Variants in TRIM67 observed in about 807,000 individuals in gnomAD.
TRIM67 encodes the protein tripartite motif-containing protein 67.
Under a neutral mutation model 71.0 loss-of-function variants are expected in TRIM67, and 39 were observed. The observed-to-expected ratio is 0.55, with a 90% confidence interval of 0.43 to 0.72. TRIM67 has a LOEUF of 0.72. TRIM67 is among the 30% of genes least tolerant of loss of function. The pLI, the probability that TRIM67 is intolerant of heterozygous loss-of-function variation, is 0.00. For missense variants in TRIM67, 973 were observed against 1,079.2 expected, an observed-to-expected ratio of 0.90 and a Z score of 1.38; for synonymous variants, 481 against 473.9, an observed-to-expected ratio of 1.01 and a Z score of -0.19.
chr1:231,212,467 A>G (rs1683901831), intron 8 of TRIM67, among the ~76,000 whole-genome samples: 1 of 152,182 alleles, frequency 6.6e-6, no homozygotes, highest in African/African-American at 2.4e-5. Flanking sequence ...TGTAAATTAA[A>G]AGGTCAATTG....
intron 1 of TRIM67, among the ~76,000 whole-genome samples, chr1:231,169,579 A>G (rs970407014): frequency 1.3e-5 from 2 of 151,704 alleles, no homozygotes; most frequent in East Asian, 3.9e-4. Flanking sequence ...GGGTTTCTCC[A>G]TGTTGGTCAG....
chr1:231,217,779 G>A lies in TRIM67; in HGVS notation c.*2339G>A. The stretch of plus-strand genomic sequence containing the variant: ...CATCATTGGAGCACAAGTTGCCTGG[G>A]GCTACCCTGAACCTAACCCCTTTGA... On this transcript the variant is annotated 3_prime_UTR_variant, in exon 10 of 10. Transcript: ENST00000366653. The A allele has an allele frequency of 7.8e-7, 1 of 1,285,724 alleles. No homozygotes were observed. Among genetic ancestry groups the A allele is most frequent in the African/African-American group, 1.5e-5 (1 of 65,912 alleles). The allele number at this position is 1,285,724 out of a possible 1,614,324, so 79.6% of individuals were successfully genotyped here.
chr1:231,187,564 C>G, intron 1 of TRIM67: 6 of 1,532,946 alleles, frequency 3.9e-6, no homozygotes, highest in Non-Finnish European at 5.2e-6. Flanking sequence ...CCCCTGTGGT[C>G]CATTTCACAA....
rs190364164 is a variant in TRIM67, at chr1:231,166,900, T to C, written c.1044+2887T>C. Among the ~76,000 whole-genome samples, 4 of 152,348 alleles carry C rather than the reference T, an allele frequency of 2.6e-5. No homozygotes were observed. The East Asian group carries it at 5.8e-4, about 22-fold the overall frequency. On this transcript the variant is annotated intron_variant, in intron 1 of 9. Transcript: ENST00000366653. ...AAGATGGGATAGGGAAGGGTAACTG[T>C]ACAGGAGAGCTTTTGGTTGTTTGCT...
chr1:231,218,972 C>A lies in TRIM67; in HGVS notation c.*3532C>A, dbSNP rs760482125. ...TCTTCCAGGGATATTTGCATTTAAG[C>A]CTTAATTCTCATTGCAAGCGAAAGG... On this transcript the variant is annotated 3_prime_UTR_variant, in exon 10 of 10. Coordinates refer to ENST00000366653, the MANE Select transcript of TRIM67 (RefSeq NM_001004342.5). 1.9e-5 allele frequency: 19 copies of A among 985,364 alleles called. No individual in the cohort carries two copies. Among genetic ancestry groups the A allele is most frequent in the African/African-American group, 3.5e-5 (2 of 57,236 alleles). 61.0% of individuals were successfully genotyped at this position (985,364 alleles called of 1,614,324 possible). A position where few individuals can be genotyped will look rare whatever the true frequency, so the allele number is the denominator to read the frequency against.
chr1:231,204,514 T>TG (rs1312492316), intron 6 of TRIM67, among the ~76,000 whole-genome samples: 3 of 152,168 alleles, frequency 2.0e-5, no homozygotes, highest in African/African-American at 7.2e-5. Context: ...TAGACTATCA[T>TG]GGGGGCAATA....
At chr1:231,170,977 T>A (rs143498104) in intron 1 of TRIM67, among the ~76,000 whole-genome samples, 1 of 152,242 alleles carries the variant, frequency 6.6e-6, no homozygotes, top group Admixed American at 6.5e-5. Context: ...GAATTTTTAA[T>A]CTCAAACAGT....
chr1:231,185,197 A>G, intron 1 of TRIM67: 4 of 1,532,296 alleles, frequency 2.6e-6, no homozygotes, highest in Non-Finnish European at 3.5e-6. Context: ...TGCACCTTCC[A>G]CCCTTCTCAG....
chr1:231,171,967 G>A (rs928838418), intron 1 of TRIM67, among the ~76,000 whole-genome samples: 1 of 152,114 alleles, frequency 6.6e-6, no homozygotes, highest in South Asian at 2.1e-4. Context: ...ATGGTGACAC[G>A]TGCCTGTAGT....
At chr1:231,188,804 C>G (rs12074287) in intron 1 of TRIM67, among the ~76,000 whole-genome samples, 37,050 of 151,970 alleles carry the variant, frequency 0.24, 5,863 homozygotes, top group African/African-American at 0.45. Context: ...GGTTGTTATT[C>G]TTATTGCTAT....
intron 4 of TRIM67, among the ~76,000 whole-genome samples, chr1:231,200,675 T>A (rs1683496665): frequency 6.6e-6 from 1 of 152,178 alleles, no homozygotes; most frequent in African/African-American, 2.4e-5. Context: ...GGGCCATCTC[T>A]CCTGCATTCA....
chr1:231,212,617 G>A (rs957386712), intron 8 of TRIM67, among the ~76,000 whole-genome samples: 1 of 152,276 alleles, frequency 6.6e-6, no homozygotes, highest in African/African-American at 2.4e-5. Context: ...CAGCTATTCG[G>A]GAGGCTGAGG....
At chr1:231,190,310 T>C (rs1265861166) in intron 1 of TRIM67, among the ~76,000 whole-genome samples, 1 of 152,108 alleles carries the variant, frequency 6.6e-6, no homozygotes, top group East Asian at 1.9e-4. Context: ...GAACAGAACA[T>C]TGGATCAGCA....
intron 3 of TRIM67, among the ~76,000 whole-genome samples, chr1:231,199,934 G>A (rs1683473855): frequency 6.6e-6 from 1 of 152,204 alleles, no homozygotes; most frequent in Admixed American, 6.5e-5. Context: ...GTTGGGTGTT[G>A]TAGCCCTGCT....
chr1:231,190,757 C>A (rs1200540293), intron 1 of TRIM67, among the ~76,000 whole-genome samples: 1 of 152,140 alleles, frequency 6.6e-6, no homozygotes, highest in Non-Finnish European at 1.5e-5. Context: ...GGACTGGGAG[C>A]GGGGAAGCCG....
chr1:231,168,727 T>G (rs1232682833), intron 1 of TRIM67, among the ~76,000 whole-genome samples: 1 of 152,248 alleles, frequency 6.6e-6, no homozygotes, highest in Non-Finnish European at 1.5e-5. Flanking sequence ...GTTAGGGATC[T>G]TCCCTCAACA....
At chr1:231,208,843 C>G in intron 7 of TRIM67, 104 bp from the exon 8 acceptor site, 1 of 1,207,006 alleles carries the variant, frequency 8.3e-7, no homozygotes, top group Admixed American at 2.3e-5. Context: ...TTCTGGGTGC[C>G]GACTTTCTAA....
Position 231,197,402 on chromosome 1 carries a change from C to A in TRIM67, c.1076C>A (p.Ser359Ter). The change falls in exon 2 of 10, where the codon TCA becomes TAA. Residue 359 changes from serine to a stop codon, truncating the protein, a stop_gained. Transcript: ENST00000366653. LOFTEE classifies it high-confidence loss of function. ...AQLSQALNGV[S>*]DKAKEAKEFL... ...CTATCTCAGGCCTTAAATGGAGTTTCAGATAAGGCAAAGGAAGCAAAGGAG... is the reference window on the plus strand; with the variant it reads ...CTATCTCAGGCCTTAAATGGAGTTTAAGATAAGGCAAAGGAAGCAAAGGAG... 6.2e-7 allele frequency: 1 copy of A among 1,613,966 alleles called. No homozygotes were observed. The highest frequency in any genetic ancestry group is 1.1e-5 in the South Asian group (1 of 91,086).
rs747032250 is a variant in TRIM67 at position 231,214,007 on chromosome 1, C to T, written c.2286+30C>T. 10 of 1,577,110 alleles carry T rather than the reference C, an allele frequency of 6.3e-6. No homozygotes were observed. In the South Asian group the frequency reaches 1.1e-4, roughly 17 times the overall value. On this transcript the variant is annotated intron_variant, in intron 9 of 9. Transcript: ENST00000366653. ...ACACCTCCCCAGGGCCGGACCTGGT[C>T]TGGCTGCTCCCAACTGTTTGCCACA...
Sources: allele counts gnomAD v4.1 joint callset (sites outside exome capture counted in the v4.1 genomes callset), GRCh38; gene constraint gnomAD v4.1.1; transcripts MANE v1.5; gene names NCBI Gene and HGNC (gene_info 2026-07-23, HGNC 2026-07-21).